The following ZNF341 variants were observed in gnomAD, a reference collection of about 807,000 sequenced individuals.
The protein encoded by ZNF341 is zinc finger protein 341.
Under a neutral mutation model 87.7 loss-of-function variants are expected in ZNF341, and 52 were observed. The observed-to-expected ratio is 0.59, with a 90% CI of 0.47 to 0.75. The LOEUF is 0.75. ZNF341 is among the 30% of genes least tolerant of loss of function. The pLI is 0.00. For missense variants in ZNF341, 977 were observed against 1,145.9 expected (o/e 0.85, Z 2.13); for synonymous variants, 459 against 472.7 (o/e 0.97, Z 0.38).
At chr20:33,764,559 ATATTTTTTTTTTTT>A (rs1368044049) in intron 8 of ZNF341, among the ~76,000 whole-genome samples, 3 of 48,952 alleles carry the variant, frequency 6.1e-5, no homozygotes, top group Admixed American at 2.7e-4. Context: ...ATATATATAT[ATATTTTTTTTTTTT>A]TTTTTTTTTT....
chr20:33,772,732 T>C (rs1234389712), intron 10 of ZNF341, among the ~76,000 whole-genome samples: 4 of 152,100 alleles, frequency 2.6e-5, no homozygotes, highest in African/African-American at 4.8e-5. Context: ...ATGACTGTTA[T>C]GTGGAGTGGA....
intron 2 of ZNF341, among the ~76,000 whole-genome samples, chr20:33,743,049 G>A (rs903702614): frequency 1.3e-5 from 1 of 74,506 alleles, no homozygotes; most frequent in Non-Finnish European, 2.7e-5. Context: ...TTTTTTTTTT[G>A]AGACGGAGTT....
chr20:33,786,027 C>CTTTTT (rs11478588), intron 12 of ZNF341, among the ~76,000 whole-genome samples: 12 of 68,708 alleles, frequency 1.7e-4, no homozygotes, highest in Non-Finnish European at 2.0e-4. Context: ...ATGTATGAAC[C>CTTTTT]TTTTTTTTTT....
chr20:33,778,600 C>T (rs958077921), intron 10 of ZNF341, among the ~76,000 whole-genome samples: 9 of 152,180 alleles, frequency 5.9e-5, no homozygotes, highest in Admixed American at 3.9e-4. Context: ...CATGAGCCAC[C>T]GCGCCTGGCT....
intron 10 of ZNF341, among the ~76,000 whole-genome samples, chr20:33,779,262 T>C (rs935914809): frequency 2.6e-5 from 4 of 152,002 alleles, no homozygotes; most frequent in Non-Finnish European, 4.4e-5. Context: ...CTAGATCTCA[T>C]GAGAACTCAC....
In ZNF341 at chr20:33,791,488, G is replaced by C; in HGVS notation, c.2536G>C (p.Val846Leu). 1 of 1,581,098 alleles carries C rather than the reference G, an allele frequency of 6.3e-7. No homozygotes were observed. The highest frequency in any genetic ancestry group is 2.2e-5 in the East Asian group (1 of 44,498). Residue 846 changes from valine to leucine, a missense_variant, in exon 15 of 15, where the codon GTG (valine) becomes CTG (leucine). Transcript: ENST00000375200. ...GAEGPCAMLA[V>L]PVYIQASE ...CGAGGGCCCATGTGCCATGCTCGCT[G>C]TGCCCGTCTACATCCAGGCCTCCGA...
intron 10 of ZNF341, among the ~76,000 whole-genome samples, chr20:33,779,598 G>T (rs1453309147): frequency 6.6e-6 from 1 of 151,986 alleles, no homozygotes; most frequent in African/African-American, 2.4e-5. Context: ...TTACAGGCAG[G>T]TGCCACCACG....
At chr20:33,789,461 C>G in intron 13 of ZNF341, 57 bp from the exon 14 acceptor site, 1 of 1,584,386 alleles carries the variant, frequency 6.3e-7, no homozygotes, top group East Asian at 2.2e-5. Context: ...GTGGAGGGGC[C>G]AGCAAGAGGA....
intron 2 of ZNF341, among the ~76,000 whole-genome samples, chr20:33,742,901 C>T (rs1205798723): frequency 2.6e-5 from 4 of 152,180 alleles, no homozygotes; most frequent in Non-Finnish European, 4.4e-5. Context: ...AACTATGAAG[C>T]CATGTTTCCC....
chr20:33,780,919 G>T (rs2019728558), intron 10 of ZNF341, among the ~76,000 whole-genome samples: 1 of 152,016 alleles, frequency 6.6e-6, no homozygotes, highest in African/African-American at 2.4e-5. Flanking sequence ...TGTTGCCCAG[G>T]CTGATTTTGA....
chr20:33,783,709 T>A lies in ZNF341; in HGVS notation c.1720-23T>A, dbSNP rs201254739. 5.6e-5 allele frequency: 90 copies of A among 1,613,636 alleles called. No individual in the cohort carries two copies. The Admixed American group carries it at 1.5e-3, about 27-fold the overall frequency. ...GGAGGGGGGCCCGGTGAGTCAGACC[T>A]GAAGGCCCCTCTTCTCTCCCAGGTG... On this transcript the variant is annotated intron_variant, in intron 11 of 14. Transcript: ENST00000375200.
chr20:33,737,482 C>CCT (rs2018715092), intron 1 of ZNF341, among the ~76,000 whole-genome samples: 1 of 152,104 alleles, frequency 6.6e-6, no homozygotes, highest in Non-Finnish European at 1.5e-5. Context: ...CCACCATGCC[C>CCT]GGCTAATTTT....
intron 1 of ZNF341, among the ~76,000 whole-genome samples, chr20:33,734,225 G>A (rs190128163): frequency 9.2e-5 from 14 of 152,330 alleles, no homozygotes; most frequent in African/African-American, 3.4e-4. Flanking sequence ...AGGTCTCCTG[G>A]GATTCACAGA....
At chr20:33,760,336 G>A (rs1204113290) in intron 7 of ZNF341, among the ~76,000 whole-genome samples, 1 of 152,126 alleles carries the variant, frequency 6.6e-6, no homozygotes, top group East Asian at 1.9e-4. Flanking sequence ...CCAGGAGGCA[G>A]AGGTTGCAGT....
At chr20:33,740,328 C>T (rs1179767630) in intron 1 of ZNF341, among the ~76,000 whole-genome samples, 2 of 152,186 alleles carry the variant, frequency 1.3e-5, no homozygotes, top group East Asian at 1.9e-4. Context: ...GAAGCTGCCA[C>T]ATAGCACATT....
chr20:33,756,540 G>A (rs1312817656), intron 5 of ZNF341, among the ~76,000 whole-genome samples: 14 of 151,952 alleles, frequency 9.2e-5, no homozygotes, highest in Admixed American at 9.2e-4. Flanking sequence ...CTTAATTTTT[G>A]TATTTTTAGT....
At chr20:33,744,792 A>G (rs1193407540) in intron 2 of ZNF341, among the ~76,000 whole-genome samples, 2 of 152,060 alleles carry the variant, frequency 1.3e-5, no homozygotes, top group African/African-American at 4.8e-5. Context: ...GGGTTTCGCC[A>G]TGTTGTCCAG....
intron 10 of ZNF341, among the ~76,000 whole-genome samples, chr20:33,771,355 C>T (rs2019528839): frequency 1.3e-5 from 2 of 151,908 alleles, no homozygotes; most frequent in Admixed American, 1.3e-4. Flanking sequence ...AGGTGATCCT[C>T]CCACCTCAGC....
intron 10 of ZNF341, 93 bp from the exon 11 acceptor site, chr20:33,781,198 G>A: frequency 2.3e-6 from 2 of 859,412 alleles, no homozygotes; most frequent in Non-Finnish European, 4.0e-6. Flanking sequence ...ACTGTAGGAT[G>A]TTGCCTCCTA....
Sources: allele counts gnomAD v4.1 joint callset (sites outside exome capture counted in the v4.1 genomes callset), GRCh38; gene constraint gnomAD v4.1.1; transcripts MANE v1.5; gene names NCBI Gene and HGNC (gene_info 2026-07-23, HGNC 2026-07-21).